The following FSIP2 variants were observed in gnomAD, a reference collection of about 807,000 sequenced individuals.
FSIP2 encodes fibrous sheath interacting protein 2.
In FSIP2, 367 loss-of-function variants were observed where a neutral mutation model predicts 510.5. That is an observed-to-expected ratio of 0.72 (90% CI 0.66 to 0.78). FSIP2 has a LOEUF of 0.78. FSIP2 is among the 30% of genes least tolerant of loss of function. The probability of loss-of-function intolerance (pLI) is 0.00; values close to 1 mark genes in which losing one functional copy is unlikely to be tolerated. For synonymous variants in FSIP2, 2,601 were observed against 2,732.2 expected (o/e 0.95, Z 1.50); for missense variants, 7,594 against 7,901.7 (o/e 0.96, Z 1.48).
chr2:185,782,078 C>T (rs1348909418), intron 13 of FSIP2, among the ~76,000 whole-genome samples: 1 of 152,128 alleles, frequency 6.6e-6, no homozygotes, highest in Non-Finnish European at 1.5e-5. Flanking sequence ...CCTCATGATC[C>T]GCCCTCCTGG....
chr2:185,758,585 T>C (rs1692291190), intron 9 of FSIP2, among the ~76,000 whole-genome samples: 1 of 151,188 alleles, frequency 6.6e-6, no homozygotes, highest in African/African-American at 2.4e-5. Context: ...AAGGTCTTCA[T>C]CCTCATTGTC....
intron 13 of FSIP2, among the ~76,000 whole-genome samples, chr2:185,766,754 G>A (rs1230942616): frequency 6.7e-5 from 10 of 148,786 alleles, no homozygotes; most frequent in Non-Finnish European, 4.5e-5. Context: ...GTGGAAGTCA[G>A]TGTGACGATT....
intron 10 of FSIP2, 78 bp downstream of exon 10, chr2:185,761,181 C>T (rs1013315549): frequency 1.1e-5 from 6 of 566,746 alleles, no homozygotes; most frequent in Non-Finnish European, 9.0e-6. Context: ...GAACTCTCTC[C>T]TTCAGCAGCA....
chr2:185,768,034 G>T (rs1692530441), intron 13 of FSIP2, among the ~76,000 whole-genome samples: 1 of 152,010 alleles, frequency 6.6e-6, no homozygotes, highest in Non-Finnish European at 1.5e-5. Flanking sequence ...AATACTTGTT[G>T]TCTTTTACTT....
chr2:185,748,482 A>G (rs2105536550), intron 7 of FSIP2, among the ~76,000 whole-genome samples: 1 of 151,676 alleles, frequency 6.6e-6, no homozygotes, highest in East Asian at 2.0e-4. Context: ...GTTTTTCACT[A>G]TTTTTCAATA....
rs769979400 is a variant in FSIP2, at chr2:185,805,439, T to C, written c.16133T>C (p.Ile5378Thr). 9.9e-6 allele frequency: 16 copies of C among 1,609,772 alleles called. No homozygotes were observed. The highest frequency in any genetic ancestry group is 5.4e-5 in the African/African-American group (4 of 74,650). ...AAAGGTGATGAAAGTAACATTGCTA[T>C]AGGGATGATTGCTGCTCTAACCCAG... ...IQKGDESNIA[I>T]GMIAALTQKA... The change falls in exon 17 of 23, where the codon ATA becomes ACA. Residue 5378 changes from isoleucine to threonine, a missense_variant. Physicochemically the swap from Ile to Thr is moderately conservative, Grantham distance 89. Transcript: ENST00000424728.
In FSIP2 at chr2:185,746,797, G is replaced by C; in HGVS notation, c.746G>C (p.Arg249Thr). 1.3e-6 allele frequency: 2 copies of C among 1,514,594 alleles called. No homozygotes were observed. The highest frequency in any genetic ancestry group is 2.5e-5 in the South Asian group (2 of 79,976). The allele number at this position is 1,514,594 out of a possible 1,614,324, so 93.8% of individuals were successfully genotyped here. A position where few individuals can be genotyped will look rare whatever the true frequency, so the allele number is the denominator to read the frequency against. Residue 249 changes from arginine to threonine, a missense_variant, in exon 6 of 23, where the codon AGA (arginine) becomes ACA (threonine). By Grantham distance (71) the Arg-to-Thr change is moderately conservative. Coordinates refer to ENST00000424728, the MANE Select transcript of FSIP2 (RefSeq NM_173651.4). ...ACAAGAAGAAAACTTACTCTTCGTA[G>C]AAAAATAGAAGAGGTGAGAGACAAC... ...EHTRRKLTLR[R>T]KIEEEWKTKE... is the part of the protein sequence containing the mutation.
At position 185,802,250 on chromosome 2, in the gene FSIP2, G is replaced by A; in HGVS notation, c.12944G>A (p.Arg4315Lys). 1 of 1,533,754 alleles carries A rather than the reference G, an allele frequency of 6.5e-7. No homozygotes were observed. Among genetic ancestry groups the A allele is most frequent in the Non-Finnish European group, 8.7e-7 (1 of 1,145,318 alleles). Residue 4315 changes from arginine (R) to lysine (K), a missense_variant, in exon 17 of 23, where the codon AGA (arginine) becomes AAA (lysine). Physicochemically the swap from Arg to Lys is conservative, Grantham distance 26 (BLOSUM62 2). Coordinates refer to ENST00000424728, the MANE Select transcript of FSIP2 (RefSeq NM_173651.4). ...LDSFVREIVA[R>K]LLSKIFSPKH... is the part of the protein sequence containing the mutation. ...TCATTTGTAAGGGAGATTGTTGCCA[G>A]ACTTTTGTCAAAGATTTTCAGCCCA... is the stretch of plus-strand genomic sequence containing the variant.
At position 185,796,369 on chromosome 2, in the gene FSIP2, T is replaced by TA. The variant is rs1449595134; in HGVS notation, c.9234dup (p.Leu3079ThrfsTer6). The stretch of plus-strand genomic sequence containing the variant: ...CGGGTTCATTCATTCCATTCACAAT[T>TA]ACTTACATATGCTGTTAATATCATC... On this transcript the variant is annotated frameshift_variant, in exon 16 of 23. Transcript: ENST00000424728. LOFTEE classifies it high-confidence loss of function. The TA allele has an allele frequency of 1.3e-6, 2 of 1,533,958 alleles. No homozygotes were observed. Among genetic ancestry groups the TA allele is most frequent in the East Asian group, 2.4e-5 (1 of 40,832 alleles).
Position 185,795,475 on chromosome 2 carries a change from A to G in FSIP2, c.8339A>G (p.Gln2780Arg). The G allele has an allele frequency of 6.5e-7, 1 of 1,534,884 alleles. No homozygotes were observed. Among genetic ancestry groups the G allele is most frequent in the Non-Finnish European group, 8.7e-7 (1 of 1,146,098 alleles). Reference sequence around the variant, plus strand: ...GGTAAAATAGTTAATACAGTTTTGCAAGAATTATATGTTACCAATAACTGC... The same window carrying G: ...GGTAAAATAGTTAATACAGTTTTGCGAGAATTATATGTTACCAATAACTGC... ...AAGKIVNTVL[Q>R]ELYVTNNCNL... Residue 2780 changes from glutamine (Q) to arginine (R), a missense_variant, in exon 16 of 23, where the codon CAA (glutamine) becomes CGA (arginine). Gln to Arg is a conservative substitution (Grantham distance 43). Transcript: ENST00000424728.
chr2:185,755,026 A>G (rs1692216336), intron 8 of FSIP2, among the ~76,000 whole-genome samples: 2 of 151,454 alleles, frequency 1.3e-5, no homozygotes, highest in African/African-American at 4.8e-5. Flanking sequence ...GCCTCTCTGT[A>G]TCCAATTTTT....
chr2:185,739,106 G>T, intron 1 of FSIP2, 113 bp downstream of exon 1: 2 of 1,350,508 alleles, frequency 1.5e-6, no homozygotes, highest in Non-Finnish European at 2.0e-6. Context: ...CCCCCGTCAG[G>T]AGGCTGCCCT....
chr2:185,801,259 T>C lies in FSIP2; in HGVS notation c.11953T>C (p.Phe3985Leu), dbSNP rs773294411. ...GGAAGGAATAATTTCAGAATTGTTT[T>C]TTAATCTCTCTATGTCATTGTGGGG... ...FLEGIISELF[F>L]NLSMSLWGKN... The change falls in exon 17 of 23, where the codon TTT becomes CTT. Residue 3985 changes from phenylalanine (F) to leucine (L), a missense_variant. Coordinates refer to ENST00000424728, the MANE Select transcript of FSIP2 (RefSeq NM_173651.4). 1 of 1,534,192 alleles carries C rather than the reference T, an allele frequency of 6.5e-7. No homozygotes were observed. Among genetic ancestry groups the C allele is most frequent in the South Asian group, 1.2e-5 (1 of 84,012 alleles).
At chr2:185,770,924 G>A (rs1337156484) in intron 13 of FSIP2, among the ~76,000 whole-genome samples, 1 of 152,164 alleles carries the variant, frequency 6.6e-6, no homozygotes, top group South Asian at 2.1e-4. Context: ...TTCTAAGAGG[G>A]AGAAAACAGT....
rs1428414738 is a variant in FSIP2 at position 185,806,747 on chromosome 2, A to G, written c.17441A>G (p.Asn5814Ser). ...PETQIQDRCQ[N>S]VSDKQNQAKL... Reference sequence around the variant, plus strand: ...ACACAAATACAAGATAGATGTCAAAATGTTAGTGATAAGCAAAATCAAGCC... The same window carrying G: ...ACACAAATACAAGATAGATGTCAAAGTGTTAGTGATAAGCAAAATCAAGCC... Residue 5814 changes from asparagine to serine, a missense_variant, in exon 17 of 23, where the codon AAT becomes AGT. Asn to Ser is a conservative substitution (Grantham distance 46). Transcript: ENST00000424728. The G allele has an allele frequency of 6.2e-7, 1 of 1,611,802 alleles. No homozygotes were observed. Among genetic ancestry groups the G allele is most frequent in the African/African-American group, 1.3e-5 (1 of 74,938 alleles).
Position 185,827,162 on chromosome 2 carries a change from G to A in FSIP2, c.20474-994G>A, listed in dbSNP as rs139072390. Among the ~76,000 whole-genome samples, 703 of 151,828 alleles carry A rather than the reference G, an allele frequency of 4.6e-3. 5 individuals carry two copies. The highest frequency in any genetic ancestry group is 0.016 in the African/African-American group (668 of 41,460). On this transcript the variant is annotated intron_variant, in intron 20 of 22. Transcript: ENST00000424728. Reference sequence around the variant, plus strand: ...AATTATGTGCAATATAGATTTAGGCGCTTTTTAGGAATATTATCAGCCAAC... The same window carrying A: ...AATTATGTGCAATATAGATTTAGGCACTTTTTAGGAATATTATCAGCCAAC...
At chr2:185,816,887 A>C (rs1693836000) in intron 19 of FSIP2, among the ~76,000 whole-genome samples, 1 of 150,502 alleles carries the variant, frequency 6.6e-6, no homozygotes, top group African/African-American at 2.4e-5. Context: ...GAGAAGACGA[A>C]AGAAAGAGAA....
chr2:185,810,385 A>T (rs954039876), intron 17 of FSIP2, among the ~76,000 whole-genome samples: 1 of 151,854 alleles, frequency 6.6e-6, no homozygotes, highest in African/African-American at 2.4e-5. Flanking sequence ...CCTGCCCAAC[A>T]CATACACATT....
chr2:185,791,303 T>A lies in FSIP2; in HGVS notation c.4167T>A (p.Ser1389Arg). The change falls in exon 16 of 23, where the codon AGT (serine) becomes AGA (arginine). Residue 1389 changes from serine (S) to arginine (R), a missense_variant. By Grantham distance (110) the Ser-to-Arg change is moderately radical. Coordinates refer to ENST00000424728, the MANE Select transcript of FSIP2 (RefSeq NM_173651.4). ...GTAAGCCAAAGTCTGCAACTGACAG[T>A]GTTGATGTACAAAGCATTTTGCCAA... Reference protein sequence around the residue: ...SSRKPKSATDSVDVQSILPNR... With the variant: ...SSRKPKSATDRVDVQSILPNR... 1 of 1,534,210 alleles carries A rather than the reference T, an allele frequency of 6.5e-7. No homozygotes were observed. Among genetic ancestry groups the A allele is most frequent in the East Asian group, 2.4e-5 (1 of 40,852 alleles).
Sources: gnomAD v4.1 joint callset for allele counts (sites outside exome capture counted in the v4.1 genomes callset) on GRCh38, gnomAD v4.1.1 for gene constraint, MANE v1.5 for transcripts, NCBI Gene and HGNC (gene_info 2026-07-23, HGNC 2026-07-21) for gene names.